Variants in GFRAL observed in about 807,000 individuals in gnomAD.
GFRAL encodes the protein GDNF family receptor alpha like, also known as GDNF family receptor alpha-like.
In GFRAL, 36 loss-of-function variants were observed where a neutral mutation model predicts 45.4. The observed-to-expected ratio is 0.79, with a 90% CI of 0.61 to 1.05. The LOEUF is 1.05. Among genes scored for constraint, GFRAL ranks in the 50% least tolerant of loss-of-function variants. The probability of loss-of-function intolerance (pLI) is 0.00; values close to 1 mark genes in which losing one functional copy is unlikely to be tolerated. For synonymous variants in GFRAL, 166 were observed against 154.1 expected (o/e 1.08, Z -0.57); for missense variants, 507 against 467.5 (o/e 1.08, Z -0.78).
intron 6 of GFRAL, among the ~76,000 whole-genome samples, chr6:55,395,175 A>ATATATATATATATATATATATATAT (rs1554136792): frequency 1.5e-4 from 18 of 123,482 alleles, no homozygotes; most frequent in African/African-American, 5.9e-4. Flanking sequence ...AAAAAAAAAA[A>ATATATATATATATATATATATATAT]ATATATATAT....
intron 6 of GFRAL, among the ~76,000 whole-genome samples, chr6:55,374,897 T>G (rs553483211): frequency 5.9e-5 from 9 of 152,264 alleles, no homozygotes; most frequent in African/African-American, 1.7e-4. Context: ...CCCCACTGCT[T>G]GTTTTTGCTA....
At chr6:55,342,978 T>C (rs1767989319) in intron 3 of GFRAL, among the ~76,000 whole-genome samples, 2 of 152,180 alleles carry the variant, frequency 1.3e-5, no homozygotes, top group African/African-American at 4.8e-5. Context: ...AAGAGCTAAC[T>C]ATCCTAAATA....
intron 3 of GFRAL, among the ~76,000 whole-genome samples, chr6:55,346,970 G>A (rs61035671): frequency 0.065 from 9,928 of 151,932 alleles, 550 homozygotes; most frequent in African/African-American, 0.15. Flanking sequence ...TGGGATGCTA[G>A]TTAAGTTGAT....
At position 55,345,682 on chromosome 6, in the gene GFRAL, A is replaced by T. The variant is rs189738291; in HGVS notation, c.317-4410A>T. Among the ~76,000 whole-genome samples the T allele has an allele frequency of 2.7e-3, 407 of 152,344 alleles. 4 individuals are homozygous for T. Among genetic ancestry groups the T allele is most frequent in the African/African-American group, 9.0e-3 (376 of 41,578 alleles). Reference sequence around the variant, plus strand: ...CCAAAAACAATGGCAACAAAAGCCAAAATTGACAAATGGGATCTAATTAAA... The same window carrying T: ...CCAAAAACAATGGCAACAAAAGCCATAATTGACAAATGGGATCTAATTAAA... On this transcript the variant is annotated intron_variant, in intron 3 of 8. Transcript: ENST00000340465.
chr6:55,401,876 T>A lies in GFRAL; in HGVS notation c.*23T>A, dbSNP rs1227532548. ...TGATTCATTAGGAGTCATGGACCTATAACAATCACTCTTTTCTCTGCTTTT... is the reference window on the plus strand; with the variant it reads ...TGATTCATTAGGAGTCATGGACCTAAAACAATCACTCTTTTCTCTGCTTTT... On this transcript the variant is annotated 3_prime_UTR_variant, in exon 9 of 9. Transcript: ENST00000340465. 3.2e-6 allele frequency: 4 copies of A among 1,250,278 alleles called. No individual in the cohort carries two copies. Among genetic ancestry groups the A allele is most frequent in the Non-Finnish European group, 4.7e-6 (4 of 850,492 alleles). The allele number at this position is 1,250,278 out of a possible 1,614,324, so 77.4% of individuals were successfully genotyped here. A position where few individuals can be genotyped will look rare whatever the true frequency, so the allele number is the denominator to read the frequency against.
rs545246087 is a variant in GFRAL, at chr6:55,342,865, G to A, written c.317-7227G>A. ...AGCAAATGGAAAACAAAAAAAGGCA[G>A]GGGTTGCAATCCTAGTCTCTGATAA... is the stretch of plus-strand genomic sequence containing the variant. On this transcript the variant is annotated intron_variant, in intron 3 of 8. Coordinates refer to ENST00000340465, the MANE Select transcript of GFRAL (RefSeq NM_207410.2). Among the ~76,000 whole-genome samples the A allele has an allele frequency of 1.9e-3, 290 of 152,120 alleles. 1 individual carries two copies. Among genetic ancestry groups the A allele is most frequent in the African/African-American group, 6.6e-3 (274 of 41,494 alleles).
intron 6 of GFRAL, among the ~76,000 whole-genome samples, chr6:55,389,549 C>CAA (rs34252535): frequency 5.3e-5 from 8 of 151,862 alleles, no homozygotes; most frequent in African/African-American, 1.9e-4. Context: ...TTAATCCTCA[C>CAA]AAAAAAACAG....
intron 3 of GFRAL, among the ~76,000 whole-genome samples, chr6:55,340,173 A>T (rs554275503): frequency 6.6e-6 from 1 of 152,312 alleles, no homozygotes; most frequent in African/African-American, 2.4e-5. Context: ...AAAGAACATG[A>T]TAATTTAAAT....
chr6:55,395,032 A>G (rs1183344558), intron 6 of GFRAL, among the ~76,000 whole-genome samples: 2 of 151,866 alleles, frequency 1.3e-5, no homozygotes, highest in Non-Finnish European at 2.9e-5. Flanking sequence ...TCCCCATTTC[A>G]TAACTCAGTA....
chr6:55,340,525 A>G (rs1209436602), intron 3 of GFRAL, among the ~76,000 whole-genome samples: 4 of 152,188 alleles, frequency 2.6e-5, no homozygotes, highest in African/African-American at 7.2e-5. Flanking sequence ...GAAATGAGCA[A>G]ACAAAAGTGG....
intron 5 of GFRAL, among the ~76,000 whole-genome samples, chr6:55,354,430 T>A (rs1768161256): frequency 6.6e-6 from 1 of 152,050 alleles, no homozygotes; most frequent in African/African-American, 2.4e-5. Context: ...ACTTAATTGT[T>A]ATATTTTAGT....
chr6:55,359,158 T>A lies in GFRAL; in HGVS notation c.952+20T>A. The A allele has an allele frequency of 7.5e-7, 1 of 1,325,088 alleles. No individual in the cohort carries two copies. The highest frequency in any genetic ancestry group is 1.0e-6 in the Non-Finnish European group (1 of 959,526). The allele number at this position is 1,325,088 out of a possible 1,614,324, so 82.1% of individuals were successfully genotyped here. On this transcript the variant is annotated intron_variant, in intron 6 of 8. Transcript: ENST00000340465. ...GTTTCAGTAAGTTCCCCAAATAAAATTATCTGTCTATCTATCTATCTATCT... is the reference window on the plus strand; with the variant it reads ...GTTTCAGTAAGTTCCCCAAATAAAAATATCTGTCTATCTATCTATCTATCT...
At chr6:55,375,763 T>C (rs1768524875) in intron 6 of GFRAL, among the ~76,000 whole-genome samples, 2 of 152,166 alleles carry the variant, frequency 1.3e-5, no homozygotes, top group Admixed American at 1.3e-4. Flanking sequence ...GCTTTTGGGC[T>C]AAAACAATGG....
intron 6 of GFRAL, among the ~76,000 whole-genome samples, chr6:55,363,364 G>A (rs10456709): frequency 6.6e-6 from 1 of 151,504 alleles, no homozygotes; most frequent in Admixed American, 6.6e-5. Context: ...TGCTTTACAG[G>A]TTCCTTTTTA....
At chr6:55,397,541 A>G (rs1392916274) in intron 6 of GFRAL, among the ~76,000 whole-genome samples, 1 of 138,644 alleles carries the variant, frequency 7.2e-6, no homozygotes, top group African/African-American at 2.8e-5. Flanking sequence ...AAAAAAAAAA[A>G]AAAAAAAAAT....
chr6:55,395,708 C>T (rs577701378), intron 6 of GFRAL, among the ~76,000 whole-genome samples: 1 of 151,074 alleles, frequency 6.6e-6, no homozygotes, highest in East Asian at 1.9e-4. Context: ...AATGCATTTA[C>T]TGTTTCATGT....
chr6:55,342,364 A>G (rs1441050357), intron 3 of GFRAL, among the ~76,000 whole-genome samples: 2 of 152,232 alleles, frequency 1.3e-5, no homozygotes, highest in African/African-American at 2.4e-5. Flanking sequence ...AGTGGGGACC[A>G]ATATTCAACA....
chr6:55,327,955 C>CA (rs1349158665), intron 1 of GFRAL, among the ~76,000 whole-genome samples: 1 of 151,820 alleles, frequency 6.6e-6, no homozygotes, highest in Non-Finnish European at 1.5e-5. Flanking sequence ...TGAAAAATTT[C>CA]AAACTGTTAT....
chr6:55,337,141 A>G (rs965009614), intron 3 of GFRAL, among the ~76,000 whole-genome samples: 8 of 151,988 alleles, frequency 5.3e-5, no homozygotes. Context: ...CCGTTAACCA[A>G]CTTCTCTCCA....
Sources: allele counts gnomAD v4.1 joint callset (sites outside exome capture counted in the v4.1 genomes callset), GRCh38; gene constraint gnomAD v4.1.1; transcripts MANE v1.5; gene names NCBI Gene and HGNC (gene_info 2026-07-23, HGNC 2026-07-21).